ARL10: variants seen among roughly 807,000 people sequenced by gnomAD.
ARL10 encodes the protein ARF like GTPase 10, also known as ADP-ribosylation factor-like protein 10.
Under a neutral mutation model 26.1 loss-of-function variants are expected in ARL10, and 23 were observed. The observed-to-expected ratio is 0.88, with a 90% CI of 0.63 to 1.25. The LOEUF is 1.25. ARL10 is among the 50% of genes most tolerant of loss of function. ARL10 has a pLI of 0.00. For missense variants in ARL10, 300 were observed against 323.6 expected, an observed-to-expected ratio of 0.93 and a Z score of 0.56; for synonymous variants, 138 against 149.1, an observed-to-expected ratio of 0.93 and a Z score of 0.54.
downstream of ARL10, among the ~76,000 whole-genome samples, chr5:176,403,536 C>A (rs574389136): frequency 3.3e-5 from 5 of 151,968 alleles, no homozygotes; most frequent in South Asian, 6.2e-4. Flanking sequence ...CCCACTGCAA[C>A]CTCCGCCTCC....
In ARL10 at chr5:176,371,826, T is replaced by C. The variant is rs1455561613; in HGVS notation, c.666T>C (p.Pro222=). Residue 222 remains proline, a synonymous_variant, in exon 4 of 4, where the codon CCT becomes CCC. Coordinates refer to ENST00000310389, the MANE Select transcript of ARL10 (RefSeq NM_173664.6). ...TCCTCTTGGCAGCCAGCATTGCCCC[T>C]GCAGGACCCACCTTTGAAGAGCCTG... ...EVFLLAASIA[P]AGPTFEEPGT... 6.2e-7 allele frequency: 1 copy of C among 1,614,214 alleles called. No individual in the cohort carries two copies. The highest frequency in any genetic ancestry group is 1.1e-5 in the South Asian group (1 of 91,086).
At position 176,398,101 on chromosome 5, in the gene ARL10, T is replaced by TCTGCTGCCC. The variant is rs1756639794; in HGVS notation, c.134-3633_134-3625dup. ...CAGCCAGCACACCTGCCCCGCTGTC[T>TCTGCTGCCC]CTGCTGCCCCTGCTGGGGACCCACT... On this transcript the variant is annotated intron_variant, in intron 1 of 1. Transcript: ENST00000514533. 10 of 1,528,292 alleles carry TCTGCTGCCC rather than the reference T, an allele frequency of 6.5e-6. No homozygotes were observed. The South Asian group carries it at 7.8e-5, about 12-fold the overall frequency. 94.7% of individuals were successfully genotyped at this position (1,528,292 alleles called of 1,614,324 possible). A position where few individuals can be genotyped will look rare whatever the true frequency, so the allele number is the denominator to read the frequency against.
intron 1 of ARL10, among the ~76,000 whole-genome samples, chr5:176,387,532 A>G (rs1286346827): frequency 6.6e-6 from 1 of 152,250 alleles, no homozygotes; most frequent in African/African-American, 2.4e-5. Flanking sequence ...CATTTCTTGA[A>G]TAAATGTGAG....
Position 176,375,290 on chromosome 5 carries a change from A to ACCCATCCATCCT in ARL10, c.*3395_*3396insCCCATCCATCCT, listed in dbSNP as rs1561776024. On this transcript the variant is annotated 3_prime_UTR_variant, in exon 4 of 4. Coordinates refer to ENST00000310389, the MANE Select transcript of ARL10 (RefSeq NM_173664.6). ...CATCCACCCATCCATCCATCCACCC[A>ACCCATCCATCCT]TCCATCCATCCATCCATCCATCCAT... 9 of 46,002 alleles carry ACCCATCCATCCT rather than the reference A, an allele frequency of 2.0e-4. No homozygotes were observed. Among genetic ancestry groups the ACCCATCCATCCT allele is most frequent in the Non-Finnish European group, 5.1e-5 (1 of 19,616 alleles). 2.8% of individuals were successfully genotyped at this position (46,002 alleles called of 1,614,324 possible).
chr5:176,391,668 A>G (rs971208256), downstream of ARL10, among the ~76,000 whole-genome samples: 2 of 152,204 alleles, frequency 1.3e-5, no homozygotes, highest in African/African-American at 2.4e-5. Flanking sequence ...CTAGAAGGCA[A>G]TGTGCAAACA....
rs1391531623 is a variant in ARL10, at chr5:176,373,357, T to C, written c.*1462T>C. The C allele has an allele frequency of 6.9e-6, 2 of 288,694 alleles. No individual in the cohort carries two copies. Among genetic ancestry groups the C allele is most frequent in the Non-Finnish European group, 1.3e-5 (2 of 157,010 alleles). The allele number at this position is 288,694 out of a possible 1,614,324, so 17.9% of individuals were successfully genotyped here. A position where few individuals can be genotyped will look rare whatever the true frequency, so the allele number is the denominator to read the frequency against. On this transcript the variant is annotated 3_prime_UTR_variant, in exon 4 of 4. Coordinates refer to ENST00000310389, the MANE Select transcript of ARL10 (RefSeq NM_173664.6). ...AGGACTGGCTCTGTACTGACACTTA[T>C]TATCGGTACAGGCAAAGAGGAGCCT... is the stretch of plus-strand genomic sequence containing the variant.
chr5:176,392,501 T>G, downstream of ARL10: 4 of 426,630 alleles, frequency 9.4e-6, no homozygotes, highest in African/African-American at 2.0e-5. The surrounding 1 kb of genome is among the most constrained non-coding windows in gnomAD (Gnocchi z 5.2). Context: ...GTAAAAAGAG[T>G]CAACAACACA....
chr5:176,389,419 C>G, downstream of ARL10: 1 of 1,614,198 alleles, frequency 6.2e-7, no homozygotes, highest in Non-Finnish European at 8.5e-7. Context: ...TGATGCGCAC[C>G]CGGATCGCCG....
the ARL10 span, among the ~76,000 whole-genome samples, chr5:176,413,112 C>T: frequency 1.3e-5 from 2 of 152,202 alleles, no homozygotes; most frequent in Non-Finnish European, 2.9e-5. Flanking sequence ...CACACCTACA[C>T]AGCATTCCAA....
chr5:176,371,114 C>T (rs1254124472), intron 3 of ARL10, among the ~76,000 whole-genome samples: 1 of 152,214 alleles, frequency 6.6e-6, no homozygotes, highest in Non-Finnish European at 1.5e-5. Context: ...GTGGCTCATG[C>T]CTGTAATCCC....
chr5:176,382,455 C>T (rs113755287), downstream of ARL10, among the ~76,000 whole-genome samples: 80 of 152,272 alleles, frequency 5.3e-4, no homozygotes, highest in African/African-American at 1.7e-3. Context: ...TGGCAGCGAG[C>T]ATGCAGAGCG....
chr5:176,400,488 T>C (rs1045889364), intron 1 of ARL10, among the ~76,000 whole-genome samples: 7 of 152,112 alleles, frequency 4.6e-5, no homozygotes, highest in Non-Finnish European at 1.0e-4. Flanking sequence ...TCCCCACCCC[T>C]TGCCAGAGCT....
At chr5:176,413,326 C>A in the ARL10 span, among the ~76,000 whole-genome samples, 95 of 152,338 alleles carry the variant, frequency 6.2e-4, 1 homozygote, top group Non-Finnish European at 1.2e-3. Context: ...CGAGGCCCAG[C>A]GGGGGAAATG....
rs766764148 is a variant in ARL10 at position 176,371,945 on chromosome 5, G to A, written c.*50G>A. 6.3e-7 allele frequency: 1 copy of A among 1,580,822 alleles called. No homozygotes were observed. The highest frequency in any genetic ancestry group is 8.6e-7 in the Non-Finnish European group (1 of 1,161,086). ...TGCCTGTCAAGACCATAGTTGTACT[G>A]CTGCTGCTTCATTGCCAGACTGGGC... On this transcript the variant is annotated 3_prime_UTR_variant, in exon 4 of 4. Coordinates refer to ENST00000310389, the MANE Select transcript of ARL10 (RefSeq NM_173664.6).
At chr5:176,385,202 C>T (rs770932480), downstream of ARL10, 9 of 1,479,126 alleles carry the variant, frequency 6.1e-6, no homozygotes, top group Admixed American at 8.4e-5. Flanking sequence ...AGCCAGCCCA[C>T]GGGGCCTGAG....
Position 176,396,565 on chromosome 5 carries a change from G to T in ARL10, c.134-5176G>T, listed in dbSNP as rs755060024. On this transcript the variant is annotated intron_variant, in intron 1 of 1. Coordinates refer to the ARL10 transcript ENST00000514533. ...GAAAGGTTGAGGGAAGGGGTTAGGT[G>T]GGGGAAGGCAGATGGCAAGACAGAC... The T allele has an allele frequency of 1.1e-5, 18 of 1,570,788 alleles. No individual in the cohort carries two copies. In the African/African-American group the frequency reaches 2.1e-4, roughly 18 times the overall value.
chr5:176,399,877 CAA>C (rs750656977), intron 1 of ARL10, among the ~76,000 whole-genome samples: 17 of 108,756 alleles, frequency 1.6e-4, no homozygotes, highest in African/African-American at 1.4e-4. Context: ...GACTTGGTCT[CAA>C]AAAAAAAAAA....
In ARL10 at chr5:176,375,105, CAT is replaced by C; in HGVS notation, c.*3211_*3212del. 6.7e-6 allele frequency: 1 copy of C among 149,708 alleles called. No homozygotes were observed. The allele number at this position is 149,708 out of a possible 1,614,324, so 9.3% of individuals were successfully genotyped here. A position where few individuals can be genotyped will look rare whatever the true frequency, so the allele number is the denominator to read the frequency against. On this transcript the variant is annotated 3_prime_UTR_variant, in exon 4 of 4. Transcript: ENST00000310389. ...CCATCCATCCATCCATCCATCCATCCATCCCTCCATCCGTCCACCCGTCCACC... is the reference window on the plus strand; with the variant it reads ...CCATCCATCCATCCATCCATCCATCCCCCTCCATCCGTCCACCCGTCCACC...
In ARL10 at chr5:176,371,625, G is replaced by A. The variant is rs531316141; in HGVS notation, c.562-97G>A. On this transcript the variant is annotated intron_variant, in intron 3 of 3. Coordinates refer to ENST00000310389, the MANE Select transcript of ARL10 (RefSeq NM_173664.6). ...GAACAGTGTGTTTCCTGATATTCCCGGGGATAGCCTAAGAACAGTGTGTTT... is the reference window on the plus strand; with the variant it reads ...GAACAGTGTGTTTCCTGATATTCCCAGGGATAGCCTAAGAACAGTGTGTTT... 161 of 824,962 alleles carry A rather than the reference G, an allele frequency of 2.0e-4. 1 individual carries two copies. The South Asian group carries it at 2.1e-3, about 11-fold the overall frequency. The allele number at this position is 824,962 out of a possible 1,614,324, so 51.1% of individuals were successfully genotyped here.
Sources: allele counts gnomAD v4.1 joint callset (sites outside exome capture counted in the v4.1 genomes callset), GRCh38; gene constraint gnomAD v4.1.1; non-coding constraint Gnocchi (gnomAD v3.1); transcripts MANE v1.5; gene names NCBI Gene and HGNC (gene_info 2026-07-23, HGNC 2026-07-21).